Variants in ARHGAP42 observed in about 807,000 individuals in gnomAD.
ARHGAP42 encodes the protein Rho GTPase activating protein 42.
A neutral mutation model predicts 125.0 loss-of-function variants in ARHGAP42; 63 were observed. The ratio of observed to expected loss-of-function variants is 0.50; its 90% CI spans 0.41 to 0.62. ARHGAP42 has a LOEUF of 0.62. Among genes scored for constraint, ARHGAP42 ranks in the 20% least tolerant of loss-of-function variants. The pLI is 0.00. For missense variants in ARHGAP42, 766 were observed against 1,024.2 expected (o/e 0.75, Z 3.44); for synonymous variants, 339 against 351.0 (o/e 0.97, Z 0.38).
chr11:100,803,244 C>T (rs940772735), intron 3 of ARHGAP42, among the ~76,000 whole-genome samples: 7 of 151,318 alleles, frequency 4.6e-5, no homozygotes, highest in Non-Finnish European at 8.8e-5. Flanking sequence ...GATTTAGATG[C>T]GTACTGTATA....
intron 22 of ARHGAP42, among the ~76,000 whole-genome samples, chr11:100,982,202 C>T (rs1858561700): frequency 6.6e-6 from 1 of 152,086 alleles, no homozygotes; most frequent in African/African-American, 2.4e-5. Flanking sequence ...GTGGTAGAAG[C>T]TGCAAAAAAT....
At chr11:100,691,734 T>C (rs1861195106) in intron 1 of ARHGAP42, among the ~76,000 whole-genome samples, 1 of 152,114 alleles carries the variant, frequency 6.6e-6, no homozygotes, top group South Asian at 2.1e-4. Context: ...TTGTCCAGGC[T>C]GGTCTCATCA....
chr11:100,899,701 T>G (rs1333421458), intron 4 of ARHGAP42, among the ~76,000 whole-genome samples: 5 of 135,338 alleles, frequency 3.7e-5, no homozygotes, highest in African/African-American at 6.2e-5. Context: ...GTTTTGTTTT[T>G]TTTGTTTTGT....
chr11:100,933,709 C>G (rs1252370120), intron 7 of ARHGAP42, among the ~76,000 whole-genome samples: 2 of 151,972 alleles, frequency 1.3e-5, no homozygotes, highest in Non-Finnish European at 2.9e-5. Context: ...TACATGTTAA[C>G]TATACAATTT....
chr11:100,935,386 A>T (rs1265732844), intron 7 of ARHGAP42, among the ~76,000 whole-genome samples: 1 of 152,204 alleles, frequency 6.6e-6, no homozygotes, highest in Non-Finnish European at 1.5e-5. Flanking sequence ...TACCTTTGCT[A>T]GTAAACCAAG....
At chr11:100,741,790 A>G (rs1862192550) in intron 1 of ARHGAP42, among the ~76,000 whole-genome samples, 1 of 152,224 alleles carries the variant, frequency 6.6e-6, no homozygotes, top group African/African-American at 2.4e-5. Flanking sequence ...TTTGAGAAGT[A>G]TTTATTTTAA....
intron 2 of ARHGAP42, among the ~76,000 whole-genome samples, chr11:100,778,823 G>A (rs1863196377): frequency 2.0e-5 from 3 of 152,116 alleles, no homozygotes; most frequent in Admixed American, 2.0e-4. Flanking sequence ...CATGTCACAA[G>A]CCTGGAAAGA....
chr11:100,980,559 C>CTTTTTTTTTTTTTTTTTTTTTT lies in ARHGAP42; in HGVS notation c.2456+1519_2456+1540dup, dbSNP rs763302463. ...TCAAATCATACTTCTTTTTCTTCTT[C>CTTTTTTTTTTTTTTTTTTTTTT]TTTTTTTTTTTTTTTTTTTTTTTTT... On this transcript the variant is annotated intron_variant, in intron 22 of 23. Transcript: ENST00000298815. 3.8e-4 allele frequency among the ~76,000 whole-genome samples: 20 copies of CTTTTTTTTTTTTTTTTTTTTTT among 51,954 alleles called. 2 individuals are homozygous for CTTTTTTTTTTTTTTTTTTTTTT. Among genetic ancestry groups the CTTTTTTTTTTTTTTTTTTTTTT allele is most frequent in the East Asian group, 1.7e-3 (2 of 1,166 alleles). The allele number at this position is 51,954 out of a possible 152,430, so 34.1% of individuals were successfully genotyped here. A position where few individuals can be genotyped will look rare whatever the true frequency, so the allele number is the denominator to read the frequency against.
At position 100,939,588 on chromosome 11, in the gene ARHGAP42, T is replaced by A. The variant is rs568636245; in HGVS notation, c.833-2196T>A. On this transcript the variant is annotated intron_variant, in intron 8 of 23. Coordinates refer to ENST00000298815, the MANE Select transcript of ARHGAP42 (RefSeq NM_152432.4). ...ATAAAATATGGGCACTTAGTAGGTA[T>A]TCGATGAATGTTAATTCCCCTTCCG... 1.2e-4 allele frequency among the ~76,000 whole-genome samples: 18 copies of A among 152,292 alleles called. 1 individual carries two copies. In the South Asian group the frequency reaches 2.9e-3, roughly 25 times the overall value.
intron 1 of ARHGAP42, 89 bp downstream of exon 1, chr11:100,687,921 C>T (rs1237516122): frequency 1.4e-6 from 2 of 1,390,428 alleles, no homozygotes; most frequent in East Asian, 5.3e-5. Context: ...GGAGTCGGAG[C>T]TTCTTTTGTT....
chr11:100,733,087 A>G (rs1861988440), intron 1 of ARHGAP42, among the ~76,000 whole-genome samples: 1 of 152,266 alleles, frequency 6.6e-6, no homozygotes, highest in Non-Finnish European at 1.5e-5. Context: ...CTTTCACTTT[A>G]TGCAAAGCAA....
At chr11:100,761,628 A>C (rs1359667914) in intron 1 of ARHGAP42, among the ~76,000 whole-genome samples, 1 of 152,216 alleles carries the variant, frequency 6.6e-6, no homozygotes, top group Non-Finnish European at 1.5e-5. Context: ...CTTGCCAGAC[A>C]CATATCATTT....
chr11:100,992,467 T>C lies in ARHGAP42; in HGVS notation c.*3666T>C. The C allele has an allele frequency of 6.2e-7, 1 of 1,614,148 alleles. No homozygotes were observed. The highest frequency in any genetic ancestry group is 8.5e-7 in the Non-Finnish European group (1 of 1,179,984). ...TATTTAACTTTGCCTCCTACCCTTT[T>C]TTGTTACCTTCCAAAATCAAGACAC... On this transcript the variant is annotated 3_prime_UTR_variant, in exon 24 of 24. Transcript: ENST00000298815.
At position 100,843,938 on chromosome 11, in the gene ARHGAP42, TA is replaced by T. The variant is rs563261678; in HGVS notation, c.313-15608del. Among the ~76,000 whole-genome samples the T allele has an allele frequency of 6.3e-3, 954 of 151,714 alleles. 6 individuals are homozygous for T. The highest frequency in any genetic ancestry group is 0.022 in the African/African-American group (919 of 41,408). On this transcript the variant is annotated intron_variant, in intron 3 of 23. Transcript: ENST00000298815. ...ATCACCATCATTCTTCACAGAACTA[TA>T]AAAAAAATCCTAAAATTCATATGGA...
chr11:100,754,241 GT>G, intron 1 of ARHGAP42, among the ~76,000 whole-genome samples: 1 of 152,314 alleles, frequency 6.6e-6, no homozygotes, highest in Admixed American at 6.5e-5. Context: ...GATGAATACA[GT>G]TTTTACCATT....
At chr11:100,964,537 C>G (rs1858040973) in intron 16 of ARHGAP42, among the ~76,000 whole-genome samples, 1 of 152,092 alleles carries the variant, frequency 6.6e-6, no homozygotes, top group Admixed American at 6.6e-5. Flanking sequence ...AATGGTAGTC[C>G]CATAATGTGA....
chr11:100,816,619 G>C (rs534899243), intron 3 of ARHGAP42: 2 of 152,270 alleles, frequency 1.3e-5, no homozygotes, highest in Non-Finnish European at 2.9e-5. Context: ...TATAAAGTAT[G>C]TTTATACATT....
At chr11:100,728,454 G>A (rs1861899189) in intron 1 of ARHGAP42, among the ~76,000 whole-genome samples, 1 of 152,102 alleles carries the variant, frequency 6.6e-6, no homozygotes, top group Admixed American at 6.5e-5. Flanking sequence ...ACTGAAGACT[G>A]TAGAGTTGCT....
chr11:100,964,185 GAT>G (rs1209503420), intron 16 of ARHGAP42, among the ~76,000 whole-genome samples: 2 of 152,134 alleles, frequency 1.3e-5, no homozygotes, highest in Non-Finnish European at 2.9e-5. Context: ...GATCCTAAGA[GAT>G]ATTTCAGTGA....
Sources: allele counts gnomAD v4.1 joint callset (sites outside exome capture counted in the v4.1 genomes callset), GRCh38; gene constraint gnomAD v4.1.1; transcripts MANE v1.5; gene names NCBI Gene and HGNC (gene_info 2026-07-23, HGNC 2026-07-21).